The following TG variants were observed in gnomAD, a reference collection of about 807,000 sequenced individuals.
TG encodes thyroid hormones.
Under a neutral mutation model 324.7 loss-of-function variants are expected in TG, and 270 were observed. The ratio of observed to expected loss-of-function variants is 0.83; its 90% CI spans 0.75 to 0.92. The LOEUF (loss-of-function observed/expected upper bound fraction) is 0.92. Ranked by LOEUF, TG falls within the 40% of genes least tolerant of loss-of-function variation. TG has a pLI of 0.00. For synonymous variants in TG, 1,401 were observed against 1,327.0 expected (o/e 1.06, Z -1.21); for missense variants, 3,591 against 3,456.4 (o/e 1.04, Z -0.98).
At chr8:133,053,295 T>C (rs1228878209) in intron 41 of TG, among the ~76,000 whole-genome samples, 1 of 152,180 alleles carries the variant, frequency 6.6e-6, no homozygotes, top group Non-Finnish European at 1.5e-5. Context: ...TGCCCATCTG[T>C]CCCCACCCCC....
intron 18 of TG, among the ~76,000 whole-genome samples, chr8:132,909,361 G>C (rs752183571): frequency 1.3e-5 from 2 of 152,182 alleles, no homozygotes; most frequent in Non-Finnish European, 2.9e-5. Flanking sequence ...TTGGATGCAG[G>C]GAATGGCTGA....
chr8:133,053,964 C>T (rs2896691), intron 41 of TG, among the ~76,000 whole-genome samples: 6,258 of 152,168 alleles, frequency 0.041, 322 homozygotes, highest in African/African-American at 0.12. Context: ...TTTATCATCA[C>T]CATTAGCCAA....
intron 45 of TG, among the ~76,000 whole-genome samples, chr8:133,117,381 G>A (rs551629982): frequency 2.3e-4 from 35 of 152,356 alleles, no homozygotes; most frequent in South Asian, 1.0e-3. Context: ...AGGGACGCAC[G>A]TGATCTCAGC....
chr8:132,966,765 G>T, intron 30 of TG, 68 bp downstream of exon 30: 1 of 1,608,214 alleles, frequency 6.2e-7, no homozygotes, highest in Middle Eastern at 1.7e-4. Context: ...GCCAAGTCTG[G>T]CAACTCCTGA....
chr8:132,904,393 G>A lies in TG; in HGVS notation c.3635-2295G>A, dbSNP rs115807379. 1.7e-3 allele frequency among the ~76,000 whole-genome samples: 258 copies of A among 152,310 alleles called. 2 individuals carry two copies. Among genetic ancestry groups the A allele is most frequent in the African/African-American group, 5.7e-3 (235 of 41,572 alleles). On this transcript the variant is annotated intron_variant, in intron 16 of 47. Coordinates refer to ENST00000220616, the MANE Select transcript of TG (RefSeq NM_003235.5). ...CTCTAAAGTAGCAGTAAGAATCCCC[G>A]TGGTATAATTTTGGAAGGATTTCAT...
At chr8:133,026,608 C>T (rs774842095) in intron 40 of TG, among the ~76,000 whole-genome samples, 4 of 152,206 alleles carry the variant, frequency 2.6e-5, no homozygotes, top group Non-Finnish European at 5.9e-5. Context: ...GGACAAGGGG[C>T]CTATGGGCTC....
Position 132,919,228 on chromosome 8 carries a change from C to G in TG, c.4379-148C>G, listed in dbSNP as rs569925602. On this transcript the variant is annotated intron_variant, in intron 20 of 47. Coordinates refer to ENST00000220616, the MANE Select transcript of TG (RefSeq NM_003235.5). ...CAGCTGCTTCCCTGCTTCTTAGAGT[C>G]TGACACACAGTAGGTTCTCAGTGGA... 6 of 856,206 alleles carry G rather than the reference C, an allele frequency of 7.0e-6. No individual in the cohort carries two copies. The South Asian group carries it at 7.8e-5, about 11-fold the overall frequency. The allele number at this position is 856,206 out of a possible 1,614,324, so 53.0% of individuals were successfully genotyped here. A position where few individuals can be genotyped will look rare whatever the true frequency, so the allele number is the denominator to read the frequency against.
At position 132,988,064 on chromosome 8, in the gene TG, GCACACACA is replaced by G. The variant is rs35161639; in HGVS notation, c.6262+4684_6262+4691del. Among the ~76,000 whole-genome samples the G allele has an allele frequency of 3.5e-3, 476 of 134,644 alleles. 3 individuals carry two copies. The highest frequency in any genetic ancestry group is 0.012 in the African/African-American group (442 of 36,296). The allele number at this position is 134,644 out of a possible 152,430, so 88.3% of individuals were successfully genotyped here. A position where few individuals can be genotyped will look rare whatever the true frequency, so the allele number is the denominator to read the frequency against. ...GAATGGGCAGCTTGTACATACACAT[GCACACACA>G]CACACACACACACACACACACACAC... On this transcript the variant is annotated intron_variant, in intron 35 of 47. Coordinates refer to ENST00000220616, the MANE Select transcript of TG (RefSeq NM_003235.5).
intron 27 of TG, among the ~76,000 whole-genome samples, chr8:132,952,785 C>G (rs193123176): frequency 2.6e-5 from 4 of 152,352 alleles, no homozygotes; most frequent in African/African-American, 9.6e-5. Context: ...TTGGTTATAT[C>G]ACAATTTCAC....
Position 133,038,298 on chromosome 8 carries a change from G to T in TG, c.7239+8275G>T, listed in dbSNP as rs532876104. 17 of 577,552 alleles carry T rather than the reference G, an allele frequency of 2.9e-5. 1 individual carries two copies. In the South Asian group the frequency reaches 3.3e-4, roughly 11 times the overall value. 35.8% of individuals were successfully genotyped at this position (577,552 alleles called of 1,614,324 possible). On this transcript the variant is annotated intron_variant, in intron 41 of 47. Transcript: ENST00000220616. The stretch of plus-strand genomic sequence containing the variant: ...TTCCAAGCATCGCCCGACATGTCAT[G>T]ATCCAATGTTTCGTGATGCCACAGC...
chr8:132,970,512 G>C (rs1009015664), intron 32 of TG, among the ~76,000 whole-genome samples: 1 of 152,214 alleles, frequency 6.6e-6, no homozygotes, highest in African/African-American at 2.4e-5. Flanking sequence ...AAAAATTCAA[G>C]TGTCATCCAT....
Position 133,077,654 on chromosome 8 carries a change from G to C in TG, c.7240-17390G>C, listed in dbSNP as rs945676533. 5.3e-5 allele frequency among the ~76,000 whole-genome samples: 8 copies of C among 152,118 alleles called. No individual in the cohort carries two copies. In the South Asian group the frequency reaches 1.4e-3, roughly 28 times the overall value. ...CGCTAGACAGGTGACTCAAATCTTAGGCCTCTGTTTTCAGTAACCCCAAGC... is the reference window on the plus strand; with the variant it reads ...CGCTAGACAGGTGACTCAAATCTTACGCCTCTGTTTTCAGTAACCCCAAGC... On this transcript the variant is annotated intron_variant, in intron 41 of 47. Coordinates refer to ENST00000220616, the MANE Select transcript of TG (RefSeq NM_003235.5).
intron 27 of TG, among the ~76,000 whole-genome samples, chr8:132,955,567 T>C (rs1826739854): frequency 6.6e-6 from 1 of 152,214 alleles, no homozygotes; most frequent in Admixed American, 6.5e-5. Flanking sequence ...AGCCAAGCCA[T>C]ATGTTTTGAA....
intron 43 of TG, among the ~76,000 whole-genome samples, chr8:133,105,723 C>G (rs776977330): frequency 6.6e-6 from 1 of 152,076 alleles, no homozygotes; most frequent in Non-Finnish European, 1.5e-5. Flanking sequence ...CACAAGCATT[C>G]GTGGACAGAA....
intron 41 of TG, chr8:133,039,871 G>C: frequency 1.4e-6 from 2 of 1,455,798 alleles, no homozygotes; most frequent in Non-Finnish European, 1.8e-6. Flanking sequence ...AGTTTCAGCA[G>C]GGCTGGCTGA....
At chr8:133,067,683 G>A (rs947490512) in intron 41 of TG, among the ~76,000 whole-genome samples, 7 of 152,012 alleles carry the variant, frequency 4.6e-5, no homozygotes, top group Non-Finnish European at 1.0e-4. Flanking sequence ...GGCTGAGGCA[G>A]GAGAATCACT....
chr8:133,055,540 G>C (rs1841282996), intron 41 of TG, among the ~76,000 whole-genome samples: 1 of 152,072 alleles, frequency 6.6e-6, no homozygotes, highest in African/African-American at 2.4e-5. Flanking sequence ...CTGTGTTTGA[G>C]ACCCGGTAGC....
chr8:132,969,050 C>A (rs1829073203), intron 31 of TG, among the ~76,000 whole-genome samples: 1 of 152,048 alleles, frequency 6.6e-6, no homozygotes, highest in African/African-American at 2.4e-5. Context: ...GGCCAAATAG[C>A]TTCTTAAAGA....
intron 41 of TG, among the ~76,000 whole-genome samples, chr8:133,078,340 G>T (rs2739164): frequency 0.76 from 116,033 of 152,116 alleles, 45,140 homozygotes; most frequent in African/African-American, 0.89. Flanking sequence ...CTAAGGACAG[G>T]AGAGGAAGAG....
Sources: allele counts gnomAD v4.1 joint callset (sites outside exome capture counted in the v4.1 genomes callset), GRCh38; gene constraint gnomAD v4.1.1; transcripts MANE v1.5; gene names NCBI Gene and HGNC (gene_info 2026-07-23, HGNC 2026-07-21).